RANBP17: variants seen among roughly 807,000 people sequenced by gnomAD.
RANBP17 encodes the protein RAN binding protein 17.
Under a neutral mutation model 141.2 loss-of-function variants are expected in RANBP17, and 158 were observed. That is an observed-to-expected ratio of 1.12 (90% CI 0.98 to 1.28). RANBP17 has a LOEUF of 1.28. Among genes scored for constraint, RANBP17 ranks in the 50% most tolerant of loss-of-function variants. The probability of loss-of-function intolerance (pLI) is 0.00; values close to 1 mark genes in which losing one functional copy is unlikely to be tolerated. For synonymous variants in RANBP17, 430 were observed against 450.0 expected, an observed-to-expected ratio of 0.96 and a Z score of 0.56; for missense variants, 1,438 against 1,290.7, an observed-to-expected ratio of 1.11 and a Z score of -1.75.
intron 14 of RANBP17, among the ~76,000 whole-genome samples, chr5:171,052,873 A>G (rs189497416): frequency 1.3e-5 from 2 of 150,526 alleles, no homozygotes; most frequent in South Asian, 4.3e-4. Flanking sequence ...TTTTTTTGAG[A>G]TGGAGTTTCA....
chr5:171,031,154 A>T (rs1039817387), intron 14 of RANBP17, among the ~76,000 whole-genome samples: 7 of 152,032 alleles, frequency 4.6e-5, no homozygotes, highest in Non-Finnish European at 8.8e-5. Flanking sequence ...AATCATCTAC[A>T]CAAAGATTTA....
chr5:170,902,993 A>C (rs574455643), intron 5 of RANBP17, among the ~76,000 whole-genome samples: 4 of 152,278 alleles, frequency 2.6e-5, no homozygotes, highest in African/African-American at 4.8e-5. Flanking sequence ...GTCAGGAGGC[A>C]CGGAGATCTG....
In RANBP17 at chr5:171,248,438, C is replaced by T. The variant is rs114391907; in HGVS notation, c.2776+5618C>T. ...AAGAGAAGGAAGCAAGCAGCCAGCT[C>T]GGCCAAGATTGGCCAGAAAGCCCAG... On this transcript the variant is annotated intron_variant, in intron 24 of 27. Coordinates refer to ENST00000523189, the MANE Select transcript of RANBP17 (RefSeq NM_022897.5). 5.5e-3 allele frequency among the ~76,000 whole-genome samples: 829 copies of T among 151,988 alleles called. 8 individuals carry two copies. Among genetic ancestry groups the T allele is most frequent in the African/African-American group, 0.019 (791 of 41,452 alleles).
At chr5:170,905,267 A>T (rs1260273753) in intron 5 of RANBP17, among the ~76,000 whole-genome samples, 2 of 152,094 alleles carry the variant, frequency 1.3e-5, no homozygotes, top group African/African-American at 4.8e-5. Flanking sequence ...GTTGGGTTCT[A>T]TGTGGAGTAA....
intron 14 of RANBP17, among the ~76,000 whole-genome samples, chr5:170,983,770 T>A (rs1465634530): frequency 6.6e-6 from 1 of 152,130 alleles, no homozygotes; most frequent in Non-Finnish European, 1.5e-5. Context: ...GAAAAAATAA[T>A]GGTAAGCGTT....
chr5:171,215,970 A>G (rs1763190256), intron 21 of RANBP17, among the ~76,000 whole-genome samples: 1 of 152,120 alleles, frequency 6.6e-6, no homozygotes, highest in South Asian at 2.1e-4. Context: ...TTCATCATGA[A>G]GTCTTTGCCC....
At chr5:170,912,974 G>A (rs1292664662) in intron 7 of RANBP17, among the ~76,000 whole-genome samples, 1 of 151,892 alleles carries the variant, frequency 6.6e-6, no homozygotes, top group Non-Finnish European at 1.5e-5. Context: ...AAAGAAAAAA[G>A]TAAGTCTCCT....
chr5:170,967,080 A>G (rs1157440716), intron 13 of RANBP17, among the ~76,000 whole-genome samples: 5 of 152,120 alleles, frequency 3.3e-5, no homozygotes, highest in East Asian at 1.9e-4. Context: ...CCATGCTCAT[A>G]TAATGGAATG....
chr5:170,872,184 T>C (rs937906252), intron 1 of RANBP17, among the ~76,000 whole-genome samples: 2 of 152,252 alleles, frequency 1.3e-5, no homozygotes, highest in Non-Finnish European at 2.9e-5. Flanking sequence ...TTGTGTCCTC[T>C]CATTTCCTCG....
intron 14 of RANBP17, among the ~76,000 whole-genome samples, chr5:171,123,236 C>T (rs1756174632): frequency 6.6e-6 from 1 of 152,160 alleles, no homozygotes; most frequent in Admixed American, 6.5e-5. Context: ...AATACAGGCA[C>T]ATGCCACCTG....
At chr5:170,979,465 T>C (rs984317160) in intron 14 of RANBP17, among the ~76,000 whole-genome samples, 1 of 152,150 alleles carries the variant, frequency 6.6e-6, no homozygotes, top group Admixed American at 6.5e-5. Flanking sequence ...GAGAATGATA[T>C]GGTCTGGCTG....
intron 23 of RANBP17, 47 bp downstream of exon 23, chr5:171,241,189 A>G: frequency 7.2e-7 from 1 of 1,380,858 alleles, no homozygotes; most frequent in Non-Finnish European, 1.0e-6. Flanking sequence ...ATGTGAAGTA[A>G]CACCACCACA....
chr5:171,294,125 A>T, intron 26 of RANBP17, 144 bp downstream of exon 26: 1 of 655,552 alleles, frequency 1.5e-6, no homozygotes, highest in Non-Finnish European at 2.8e-6. Context: ...GTGAGGCTGT[A>T]TTCCCCTACA....
intron 13 of RANBP17, among the ~76,000 whole-genome samples, chr5:170,955,582 GTATATA>G (rs869169939): frequency 0.037 from 1,525 of 41,616 alleles, 74 homozygotes; most frequent in Non-Finnish European, 0.042. Flanking sequence ...CAGTCTGTGT[GTATATA>G]TATATATATA....
At chr5:171,027,868 G>A (rs976977741) in intron 14 of RANBP17, among the ~76,000 whole-genome samples, 22 of 151,904 alleles carry the variant, frequency 1.4e-4, no homozygotes, top group African/African-American at 5.3e-4. Flanking sequence ...TTAATTAGTT[G>A]GCCTATTAAA....
intron 12 of RANBP17, among the ~76,000 whole-genome samples, chr5:170,945,935 T>C (rs980885676): frequency 2.6e-5 from 4 of 152,156 alleles, no homozygotes; most frequent in African/African-American, 9.6e-5. Context: ...TCATAATGTG[T>C]TAAACGCTTA....
chr5:171,093,214 C>CAA (rs112255949), intron 14 of RANBP17, among the ~76,000 whole-genome samples: 2,769 of 141,254 alleles, frequency 0.02, 84 homozygotes, highest in African/African-American at 0.064. Flanking sequence ...CAGTCTCCCC[C>CAA]CAAAAAAAAA....
At chr5:170,966,918 A>T (rs905948328) in intron 13 of RANBP17, among the ~76,000 whole-genome samples, 1 of 152,202 alleles carries the variant, frequency 6.6e-6, no homozygotes, top group Non-Finnish European at 1.5e-5. Context: ...ACAGAGATCC[A>T]AATCATGAGT....
chr5:171,256,573 A>G (rs1009604696), intron 24 of RANBP17, among the ~76,000 whole-genome samples: 3 of 152,194 alleles, frequency 2.0e-5, no homozygotes, highest in Admixed American at 2.0e-4. Context: ...ATCAGAGCAG[A>G]GCTAAATGAA....
Sources: allele counts gnomAD v4.1 joint callset (sites outside exome capture counted in the v4.1 genomes callset), GRCh38; gene constraint gnomAD v4.1.1; transcripts MANE v1.5; gene names NCBI Gene and HGNC (gene_info 2026-07-23, HGNC 2026-07-21).